The following SLC4A8 variants were observed in gnomAD, a reference collection of about 807,000 sequenced individuals.
The protein encoded by SLC4A8 is solute carrier family 4 member 8.
SLC4A8 carries 40 observed loss-of-function variants against 125.0 expected under a neutral mutation model. That is an observed-to-expected ratio of 0.32 (90% CI 0.25 to 0.42). The LOEUF is 0.42. SLC4A8 is among the 10% of genes least tolerant of loss of function. The probability of loss-of-function intolerance (pLI) is 1.00; values close to 1 mark genes in which losing one functional copy is unlikely to be tolerated. For missense variants in SLC4A8, 863 were observed against 1,355.1 expected (o/e 0.64, Z 5.70); for synonymous variants, 456 against 476.0 (o/e 0.96, Z 0.55).
chr12:51,462,154 C>T, intron 9 of SLC4A8, 156 bp from the exon 10 acceptor site: 5 of 656,270 alleles, frequency 7.6e-6, no homozygotes, highest in South Asian at 7.4e-5. Flanking sequence ...ATCCTTTTAT[C>T]CTTGCACTTC....
rs141249169 is a variant in SLC4A8, at chr12:51,507,510, G to A, written c.*72G>A. On this transcript the variant is annotated 3_prime_UTR_variant, in exon 25 of 25. Transcript: ENST00000453097. ...AAGTTCTGGTTACAGAGAAAATGGC[G>A]AGTCTCTCAGAGAAGAAGCAAGACC... The A allele has an allele frequency of 4.3e-4, 476 of 1,113,106 alleles. No individual in the cohort carries two copies. The highest frequency in any genetic ancestry group is 4.9e-4 in the Non-Finnish European group (410 of 829,336). The allele number at this position is 1,113,106 out of a possible 1,614,324, so 69.0% of individuals were successfully genotyped here. A position where few individuals can be genotyped will look rare whatever the true frequency, so the allele number is the denominator to read the frequency against.
intron 1 of SLC4A8, among the ~76,000 whole-genome samples, chr12:51,402,477 T>C (rs1948410567): frequency 6.6e-6 from 1 of 152,096 alleles, no homozygotes; most frequent in Admixed American, 6.5e-5. Flanking sequence ...ATCTCAACAC[T>C]TTGGGAGGCT....
chr12:51,472,772 A>T (rs1041759215), intron 14 of SLC4A8, among the ~76,000 whole-genome samples: 26 of 151,556 alleles, frequency 1.7e-4, no homozygotes, highest in African/African-American at 5.6e-4. Flanking sequence ...TCAAGATGAT[A>T]TTTTTTTTTA....
At chr12:51,402,849 G>T (rs1324920842) in intron 1 of SLC4A8, among the ~76,000 whole-genome samples, 3 of 152,156 alleles carry the variant, frequency 2.0e-5, no homozygotes, top group Admixed American at 6.5e-5. Context: ...GGCAAAGACG[G>T]GTGTCTTCTG....
chr12:51,440,926 T>C (rs1949574636), intron 2 of SLC4A8, 137 bp downstream of exon 2: 1 of 951,886 alleles, frequency 1.1e-6, no homozygotes, highest in Non-Finnish European at 1.5e-6. Flanking sequence ...TAGCCTCACT[T>C]TCCTCATCTG....
intron 2 of SLC4A8, among the ~76,000 whole-genome samples, chr12:51,447,677 C>A (rs937065415): frequency 2.0e-5 from 3 of 151,280 alleles, no homozygotes; most frequent in East Asian, 1.9e-4. Flanking sequence ...ATTTCCCCCC[C>A]AGAATGTTGA....
At chr12:51,398,516 T>G (rs1160458995) in intron 1 of SLC4A8, among the ~76,000 whole-genome samples, 1 of 152,246 alleles carries the variant, frequency 6.6e-6, no homozygotes, top group African/African-American at 2.4e-5. Flanking sequence ...AAGATTTTGC[T>G]GTGAGAGCTT....
At chr12:51,492,517 T>C (rs1173591574) in intron 19 of SLC4A8, among the ~76,000 whole-genome samples, 1 of 152,158 alleles carries the variant, frequency 6.6e-6, no homozygotes, top group Non-Finnish European at 1.5e-5. Flanking sequence ...GATAGAACCA[T>C]GAAGGCGCGG....
intron 1 of SLC4A8, among the ~76,000 whole-genome samples, chr12:51,415,903 C>T (rs553592252): frequency 1.2e-4 from 18 of 150,256 alleles, no homozygotes; most frequent in African/African-American, 3.0e-4. Flanking sequence ...AATGTACCCC[C>T]GAATCTAAAA....
Position 51,507,573 on chromosome 12 carries a change from C to T in SLC4A8, c.*135C>T, listed in dbSNP as rs186384887. 16 of 561,370 alleles carry T rather than the reference C, an allele frequency of 2.9e-5. No individual in the cohort carries two copies. The highest frequency in any genetic ancestry group is 1.6e-4 in the East Asian group (5 of 32,128). 34.8% of individuals were successfully genotyped at this position (561,370 alleles called of 1,614,324 possible). A position where few individuals can be genotyped will look rare whatever the true frequency, so the allele number is the denominator to read the frequency against. On this transcript the variant is annotated 3_prime_UTR_variant, in exon 25 of 25. Transcript: ENST00000453097. ...GTCCTTGGTCATCTCAAAGCCATGC[C>T]GAAGCATTCAGTTATTCTTGGTGTG...
chr12:51,472,639 C>T lies in SLC4A8; in HGVS notation c.1904+1107C>T, dbSNP rs552548117. ...CAAGCACCATTTTAGGCCTTGGAAACGCAGTGGCAAACATGACAAAGGATC... is the reference window on the plus strand; with the variant it reads ...CAAGCACCATTTTAGGCCTTGGAAATGCAGTGGCAAACATGACAAAGGATC... On this transcript the variant is annotated intron_variant, in intron 14 of 24. Transcript: ENST00000453097. Among the ~76,000 whole-genome samples, 43 of 152,192 alleles carry T rather than the reference C, an allele frequency of 2.8e-4. 1 individual carries two copies. Among genetic ancestry groups the T allele is most frequent in the Admixed American group, 2.4e-3 (37 of 15,296 alleles).
chr12:51,434,351 T>G (rs1949333850), intron 1 of SLC4A8, among the ~76,000 whole-genome samples: 1 of 152,118 alleles, frequency 6.6e-6, no homozygotes, highest in Non-Finnish European at 1.5e-5. Flanking sequence ...ATAATCAAAT[T>G]TTCATTTAGT....
At position 51,457,369 on chromosome 12, in the gene SLC4A8, AAGAACTGTCC is replaced by A. The variant is rs1228744419; in HGVS notation, c.596_605del (p.Glu199ValfsTer3). 2 of 1,613,826 alleles carry A rather than the reference AAGAACTGTCC, an allele frequency of 1.2e-6. No individual in the cohort carries two copies. Among genetic ancestry groups the A allele is most frequent in the Admixed American group, 1.7e-5 (1 of 60,004 alleles). ...TTTCCAGACCTGATCCTGGATCAGCAAGAACTGTCCAGTGACCTGAATGACAGCATGAGGG... is the reference window on the plus strand; with the variant it reads ...TTTCCAGACCTGATCCTGGATCAGCAAGTGACCTGAATGACAGCATGAGGG... On this transcript the variant is annotated frameshift_variant, in exon 6 of 25. Transcript: ENST00000453097. LOFTEE classifies it high-confidence loss of function.
chr12:51,451,619 A>G (rs559893186), intron 3 of SLC4A8, among the ~76,000 whole-genome samples: 63 of 152,310 alleles, frequency 4.1e-4, no homozygotes, highest in Non-Finnish European at 7.5e-4. Context: ...TTAAATATAT[A>G]TTAGTCTAAA....
At chr12:51,462,133 T>C (rs906681934) in intron 9 of SLC4A8, 177 bp from the exon 10 acceptor site, 2 of 609,406 alleles carry the variant, frequency 3.3e-6, no homozygotes, top group East Asian at 2.8e-5. Context: ...ATTTCCACGC[T>C]TGTTTTTTAA....
rs546086421 is a variant in SLC4A8, at chr12:51,450,286, T to G, written c.131-590T>G. 3.5e-4 allele frequency among the ~76,000 whole-genome samples: 54 copies of G among 152,306 alleles called. 1 individual carries two copies. The highest frequency in any genetic ancestry group is 1.2e-3 in the African/African-American group (50 of 41,564). ...TGCTACAATTTATTCCAGGCATGTG[T>G]TAAGCATTTTGCATGCATAACCTTA... On this transcript the variant is annotated intron_variant, in intron 2 of 24. Coordinates refer to ENST00000453097, the MANE Select transcript of SLC4A8 (RefSeq NM_001039960.3).
intron 6 of SLC4A8, among the ~76,000 whole-genome samples, chr12:51,457,897 A>G (rs1950205379): frequency 6.6e-6 from 1 of 152,194 alleles, no homozygotes; most frequent in South Asian, 2.1e-4. Context: ...GAGGCAAAAT[A>G]CAGTAGAGTA....
intron 23 of SLC4A8, 114 bp downstream of exon 23, chr12:51,504,234 A>C: frequency 1.4e-6 from 1 of 692,266 alleles, no homozygotes; most frequent in Non-Finnish European, 2.6e-6. Flanking sequence ...CTAAATATTC[A>C]GCCTCCCAGT....
intron 7 of SLC4A8, 21 bp downstream of exon 7, chr12:51,458,671 T>C (rs1333709624): frequency 3.8e-6 from 6 of 1,570,396 alleles, no homozygotes; most frequent in South Asian, 1.1e-5. Context: ...TGGTGGGAAG[T>C]TGGCTTCAAG....
Sources: gnomAD v4.1 joint callset for allele counts (sites outside exome capture counted in the v4.1 genomes callset) on GRCh38, gnomAD v4.1.1 for gene constraint, MANE v1.5 for transcripts, NCBI Gene and HGNC (gene_info 2026-07-23, HGNC 2026-07-21) for gene names.